GLRB: variants seen among roughly 807,000 people sequenced by gnomAD.
GLRB encodes glycine receptor subunit beta.
A neutral mutation model predicts 54.2 loss-of-function variants in GLRB; 33 were observed. That is an observed-to-expected ratio of 0.61 (90% CI 0.46 to 0.81). The LOEUF (loss-of-function observed/expected upper bound fraction) is 0.81, where lower values mean the gene tolerates loss of function less well. Ranked by LOEUF, GLRB falls within the 40% of genes least tolerant of loss-of-function variation. The probability of loss-of-function intolerance (pLI) is 0.00; values close to 1 mark genes in which losing one functional copy is unlikely to be tolerated. For synonymous variants in GLRB, 209 were observed against 208.2 expected, an observed-to-expected ratio of 1.00 and a Z score of -0.03; for missense variants, 572 against 584.6, an observed-to-expected ratio of 0.98 and a Z score of 0.22.
intron 9 of GLRB, among the ~76,000 whole-genome samples, chr4:157,166,876 T>C (rs2126632227): frequency 6.6e-6 from 1 of 152,200 alleles, no homozygotes; most frequent in Non-Finnish European, 1.5e-5. Flanking sequence ...GATCAAATCC[T>C]AATATTATTT....
In GLRB at chr4:157,143,708, C is replaced by G. The variant is rs975359431; in HGVS notation, c.752-99C>G. On this transcript the variant is annotated intron_variant, in intron 7 of 9. Coordinates refer to ENST00000264428, the MANE Select transcript of GLRB (RefSeq NM_000824.5). ...TGAGGCATTTCCTCTGTGAAATTGC[C>G]TCAGATGGAAGTGACTTACCGTTTC... 2.5e-6 allele frequency: 3 copies of G among 1,196,406 alleles called. No individual in the cohort carries two copies. In the South Asian group the frequency reaches 3.9e-5, roughly 16 times the overall value. 74.1% of individuals were successfully genotyped at this position (1,196,406 alleles called of 1,614,324 possible).
intron 9 of GLRB, among the ~76,000 whole-genome samples, chr4:157,165,144 T>C (rs1195286709): frequency 6.6e-6 from 1 of 152,084 alleles, no homozygotes; most frequent in East Asian, 1.9e-4. Flanking sequence ...ACCCATAGAA[T>C]ATTTGTTTCC....
At chr4:157,141,601 A>G (rs1736613948) in intron 7 of GLRB, among the ~76,000 whole-genome samples, 1 of 152,022 alleles carries the variant, frequency 6.6e-6, no homozygotes, top group African/African-American at 2.4e-5. Context: ...ATAATGGGAT[A>G]AAACTTCACA....
At chr4:157,149,089 C>T (rs1371593889) in intron 8 of GLRB, among the ~76,000 whole-genome samples, 2 of 152,072 alleles carry the variant, frequency 1.3e-5, no homozygotes, top group African/African-American at 4.8e-5. Context: ...CCTTACTCTA[C>T]TATTTTTCCC....
At chr4:157,124,282 C>A (rs1270805531) in intron 4 of GLRB, among the ~76,000 whole-genome samples, 1 of 151,708 alleles carries the variant, frequency 6.6e-6, no homozygotes, top group East Asian at 1.9e-4. Flanking sequence ...TTCTTCTCTT[C>A]TAAACAGAAA....
At chr4:157,157,150 T>A (rs945410728) in intron 9 of GLRB, among the ~76,000 whole-genome samples, 3 of 152,128 alleles carry the variant, frequency 2.0e-5, no homozygotes, top group Non-Finnish European at 4.4e-5. Context: ...CAGGGCCCCC[T>A]GTGACATCAC....
At chr4:157,153,615 C>T (rs1737110892) in intron 9 of GLRB, among the ~76,000 whole-genome samples, 1 of 152,150 alleles carries the variant, frequency 6.6e-6, no homozygotes, top group Non-Finnish European at 1.5e-5. Context: ...CCCCATAACC[C>T]TGCCTTGTCA....
intron 9 of GLRB, among the ~76,000 whole-genome samples, chr4:157,155,919 AAC>A (rs1737210690): frequency 6.6e-6 from 1 of 151,844 alleles, no homozygotes; most frequent in South Asian, 2.1e-4. Flanking sequence ...AGACTGCGAT[AAC>A]ACAAATGCTA....
intron 2 of GLRB, among the ~76,000 whole-genome samples, chr4:157,101,345 A>T: frequency 6.6e-6 from 1 of 152,232 alleles, no homozygotes; most frequent in Non-Finnish European, 1.5e-5. Flanking sequence ...ACAATGTAGT[A>T]TATTCCATAT....
At chr4:157,121,722 GA>G (rs955471555) in intron 3 of GLRB, among the ~76,000 whole-genome samples, 4 of 150,722 alleles carry the variant, frequency 2.7e-5, no homozygotes, top group East Asian at 2.0e-4. Context: ...ACAATGAGAT[GA>G]AAAAAAATAG....
At position 157,122,369 on chromosome 4, in the gene GLRB, GT is replaced by G; in HGVS notation, c.273del (p.Phe91LeufsTer17). On this transcript the variant is annotated frameshift_variant, in exon 4 of 10. Transcript: ENST00000264428. LOFTEE classifies it high-confidence loss of function. ...GTAGTAGTCAACATTTTTATTAACAGTTTTGGATCCATTCAAGAAACAACAA... is the reference window on the plus strand; with the variant it reads ...GTAGTAGTCAACATTTTTATTAACAGTTTGGATCCATTCAAGAAACAACAA... ...VDVVVNIFIN[S>X]FGSIQETTMD... is the part of the protein sequence containing the mutation. The G allele has an allele frequency of 1.5e-6, 2 of 1,318,980 alleles. No individual in the cohort carries two copies. The highest frequency in any genetic ancestry group is 1.3e-5 in the South Asian group (1 of 79,278). The allele number at this position is 1,318,980 out of a possible 1,614,324, so 81.7% of individuals were successfully genotyped here. A position where few individuals can be genotyped will look rare whatever the true frequency, so the allele number is the denominator to read the frequency against.
At chr4:157,154,988 T>C (rs1437280109) in intron 9 of GLRB, among the ~76,000 whole-genome samples, 2 of 152,346 alleles carry the variant, frequency 1.3e-5, no homozygotes, top group East Asian at 3.9e-4. Context: ...TAGAGCCACA[T>C]TATAGTTTTT....
At chr4:157,137,179 G>T (rs1736435271) in intron 6 of GLRB, among the ~76,000 whole-genome samples, 1 of 152,044 alleles carries the variant, frequency 6.6e-6, no homozygotes, top group Admixed American at 6.6e-5. Flanking sequence ...CAAGGTAAAA[G>T]AGAAAATGAC....
intron 2 of GLRB, among the ~76,000 whole-genome samples, chr4:157,098,502 GAC>G (rs1354886308): frequency 5.3e-5 from 8 of 152,142 alleles, no homozygotes; most frequent in Non-Finnish European, 1.5e-5. Flanking sequence ...ACCATGATGA[GAC>G]AGTTTTTCTT....
intron 8 of GLRB, among the ~76,000 whole-genome samples, chr4:157,144,409 G>T (rs1736732403): frequency 6.6e-6 from 1 of 152,154 alleles, no homozygotes. Flanking sequence ...CCAACCATTG[G>T]TTATTGTGTG....
intron 2 of GLRB, among the ~76,000 whole-genome samples, chr4:157,082,989 T>TATATAC (rs1491140351): frequency 2.1e-5 from 3 of 142,752 alleles, no homozygotes; most frequent in East Asian, 2.1e-4. Flanking sequence ...TATATATATA[T>TATATAC]ACACACATAC....
At chr4:157,164,388 C>G (rs971690347) in intron 9 of GLRB, among the ~76,000 whole-genome samples, 2 of 152,130 alleles carry the variant, frequency 1.3e-5, no homozygotes, top group Admixed American at 6.5e-5. Flanking sequence ...TTTTTTGACA[C>G]TTGTTATCTA....
chr4:157,093,593 A>T (rs1260995053), intron 2 of GLRB, among the ~76,000 whole-genome samples: 2 of 152,078 alleles, frequency 1.3e-5, no homozygotes, highest in East Asian at 3.9e-4. Context: ...TGTCTCTACT[A>T]AAAATACAAA....
At chr4:157,139,940 A>C (rs1736548529) in intron 7 of GLRB, among the ~76,000 whole-genome samples, 1 of 152,010 alleles carries the variant, frequency 6.6e-6, no homozygotes, top group Non-Finnish European at 1.5e-5. Context: ...CATCAAGGCA[A>C]CATATAATTT....
Sources: allele counts gnomAD v4.1 joint callset (sites outside exome capture counted in the v4.1 genomes callset), GRCh38; gene constraint gnomAD v4.1.1; transcripts MANE v1.5; gene names NCBI Gene and HGNC (gene_info 2026-07-23, HGNC 2026-07-21).